The following FAM184A variants were observed in gnomAD, a reference collection of about 807,000 sequenced individuals.
The protein encoded by FAM184A is protein FAM184A.
Under a neutral mutation model 143.8 loss-of-function variants are expected in FAM184A, and 99 were observed. The ratio of observed to expected loss-of-function variants is 0.69; its 90% CI spans 0.58 to 0.81. The LOEUF is 0.81. Ranked by LOEUF, FAM184A falls within the 40% of genes least tolerant of loss-of-function variation. The probability of loss-of-function intolerance (pLI) is 0.00; values close to 1 mark genes in which losing one functional copy is unlikely to be tolerated. For synonymous variants in FAM184A, 427 were observed against 446.4 expected (o/e 0.96, Z 0.55); for missense variants, 1,217 against 1,310.5 (o/e 0.93, Z 1.10).
chr6:118,989,561 T>TGACACA (rs1266987354), intron 9 of FAM184A, among the ~76,000 whole-genome samples: 6 of 151,926 alleles, frequency 3.9e-5, no homozygotes, highest in Middle Eastern at 3.2e-3. Flanking sequence ...TAGACTAAGA[T>TGACACA]ATCCAATGAT....
In FAM184A at chr6:119,078,627, G is replaced by C; in HGVS notation, c.-328C>G. ...CGTCGAGGACAGCGCAGCTCCGCGG[G>C]TCCCGCTCGCAGCCCGCACCGAGGA... On this transcript the variant is annotated 5_prime_UTR_variant, in exon 1 of 18. Transcript: ENST00000338891. The surrounding 1 kb of genome is among the most constrained non-coding windows in gnomAD (Gnocchi z 5.5). 1 of 195,606 alleles carries C rather than the reference G, an allele frequency of 5.1e-6. No individual in the cohort carries two copies. Among genetic ancestry groups the C allele is most frequent in the East Asian group, 1.2e-4 (1 of 8,456 alleles). 12.1% of individuals were successfully genotyped at this position (195,606 alleles called of 1,614,324 possible).
chr6:119,104,946 A>T (rs776209608), intron 1 of FAM184A, among the ~76,000 whole-genome samples: 12 of 152,212 alleles, frequency 7.9e-5, no homozygotes, highest in Non-Finnish European at 1.8e-4. Flanking sequence ...CCCTAAGTCC[A>T]GTCTAATTAT....
In FAM184A at chr6:118,960,054, G is replaced by C; in HGVS notation, c.*49C>G. On this transcript the variant is annotated 3_prime_UTR_variant, in exon 18 of 18. Coordinates refer to ENST00000338891, the MANE Select transcript of FAM184A (RefSeq NM_024581.6). ...CTATTTACATAACAATCTGTATAAA[G>C]TCATGCTCTTAGTAACAGTCTATAC... is the stretch of plus-strand genomic sequence containing the variant. The C allele has an allele frequency of 6.9e-7, 1 of 1,442,992 alleles. No individual in the cohort carries two copies. The highest frequency in any genetic ancestry group is 9.6e-7 in the Non-Finnish European group (1 of 1,036,476). 89.4% of individuals were successfully genotyped at this position (1,442,992 alleles called of 1,614,324 possible). A position where few individuals can be genotyped will look rare whatever the true frequency, so the allele number is the denominator to read the frequency against.
chr6:118,975,944 C>G lies in FAM184A; in HGVS notation c.2556G>C (p.Glu852Asp). Residue 852 changes from glutamate to aspartate, a missense_variant, in exon 12 of 18, where the codon GAG becomes GAC. By Grantham distance (45) the Glu-to-Asp change is conservative. Coordinates refer to ENST00000338891, the MANE Select transcript of FAM184A (RefSeq NM_024581.6). ...GTCTTCTGCTGATGTCTATGCTTCT[C>G]TCTAATTCCATTTTAGCAGCTGCCA... Reference protein sequence around the residue: ...QELAAAKMELERSIDISRRQS... With the variant: ...QELAAAKMELDRSIDISRRQS... 6.2e-7 allele frequency: 1 copy of G among 1,613,114 alleles called. No individual in the cohort carries two copies. The highest frequency in any genetic ancestry group is 8.5e-7 in the Non-Finnish European group (1 of 1,179,794).
At chr6:119,143,876 A>G (rs1010148750) in intron 1 of FAM184A, among the ~76,000 whole-genome samples, 2 of 152,166 alleles carry the variant, frequency 1.3e-5, no homozygotes, top group African/African-American at 4.8e-5. Flanking sequence ...ACAATACTGA[A>G]CTGTATACTT....
chr6:119,081,788 C>T (rs564759815), upstream of FAM184A, among the ~76,000 whole-genome samples: 6 of 152,322 alleles, frequency 3.9e-5, no homozygotes, highest in East Asian at 9.7e-4. Context: ...TGCCAGTCGA[C>T]GGCCTGCTGG....
rs977029986 is a variant in FAM184A, at chr6:119,061,531, C to CTTTTT, written c.159+16605_159+16609dup. Among the ~76,000 whole-genome samples, 105 of 58,566 alleles carry CTTTTT rather than the reference C, an allele frequency of 1.8e-3. 10 individuals are homozygous for CTTTTT. The highest frequency in any genetic ancestry group is 6.4e-3 in the African/African-American group (87 of 13,610). The allele number at this position is 58,566 out of a possible 152,430, so 38.4% of individuals were successfully genotyped here. A position where few individuals can be genotyped will look rare whatever the true frequency, so the allele number is the denominator to read the frequency against. ...CTACCATGCCTGGCTAATTATTTTT[C>CTTTTT]TTTTTTTTTTTTTTTTTTTTTTTTT... On this transcript the variant is annotated intron_variant, in intron 1 of 17. Coordinates refer to ENST00000338891, the MANE Select transcript of FAM184A (RefSeq NM_024581.6).
chr6:119,070,858 C>A (rs1787660486), intron 1 of FAM184A, among the ~76,000 whole-genome samples: 1 of 151,912 alleles, frequency 6.6e-6, no homozygotes, highest in African/African-American at 2.4e-5. Flanking sequence ...ACATCCTTTC[C>A]ATTTCATGGC....
At chr6:119,128,107 C>T (rs1443435638) in intron 1 of FAM184A, among the ~76,000 whole-genome samples, 1 of 151,916 alleles carries the variant, frequency 6.6e-6, no homozygotes, top group Non-Finnish European at 1.5e-5. Context: ...CTACCATTAA[C>T]ATTAAAACAG....
At chr6:119,082,104 G>A (rs75970393), upstream of FAM184A, among the ~76,000 whole-genome samples, 5,288 of 152,230 alleles carry the variant, frequency 0.035, 199 homozygotes, top group African/African-American at 0.091. Context: ...TAGGTCCATG[G>A]GCATAGGCCT....
At chr6:119,122,021 G>T (rs981202239) in intron 1 of FAM184A, among the ~76,000 whole-genome samples, 1 of 152,032 alleles carries the variant, frequency 6.6e-6, no homozygotes, top group South Asian at 2.1e-4. Context: ...CTCCCACCTC[G>T]GCCTCCCAAA....
At chr6:119,114,189 T>C (rs1403887847) in intron 1 of FAM184A, among the ~76,000 whole-genome samples, 1 of 152,174 alleles carries the variant, frequency 6.6e-6, no homozygotes, top group Non-Finnish European at 1.5e-5. Context: ...ATTGCTATTA[T>C]CTCTCATTCA....
chr6:119,025,725 C>T (rs978636070), intron 1 of FAM184A: 4 of 438,044 alleles, frequency 9.1e-6, no homozygotes, highest in African/African-American at 8.2e-5. Flanking sequence ...TTGAGATGAG[C>T]CCACTTTCTT....
intron 1 of FAM184A, among the ~76,000 whole-genome samples, chr6:119,140,591 C>A (rs1419176311): frequency 2.0e-5 from 3 of 152,226 alleles, no homozygotes. Flanking sequence ...ATCTCATCCG[C>A]ACCTTTCAAC....
intron 1 of FAM184A, among the ~76,000 whole-genome samples, chr6:119,124,212 A>T (rs1483960079): frequency 6.6e-6 from 1 of 152,194 alleles, no homozygotes; most frequent in Non-Finnish European, 1.5e-5. Flanking sequence ...TGGTTTAATT[A>T]TCTGGCCTCA....
chr6:118,986,362 A>G (rs1363681266), intron 9 of FAM184A, among the ~76,000 whole-genome samples: 1 of 152,224 alleles, frequency 6.6e-6, no homozygotes, highest in Non-Finnish European at 1.5e-5. Context: ...CTAATTAGAA[A>G]GTTATCTATG....
At chr6:119,090,051 G>A (rs1788328637) in intron 1 of FAM184A, among the ~76,000 whole-genome samples, 1 of 152,164 alleles carries the variant, frequency 6.6e-6, no homozygotes, top group Non-Finnish European at 1.5e-5. Context: ...CCCTTTCTAT[G>A]AATATCACAA....
chr6:119,128,128 A>G (rs1164485057), intron 1 of FAM184A, among the ~76,000 whole-genome samples: 86 of 152,196 alleles, frequency 5.7e-4, no homozygotes, highest in African/African-American at 2.0e-3. Context: ...AGATCTTAAG[A>G]CTGACAAACA....
Position 119,007,667 on chromosome 6 carries a change from G to A in FAM184A, c.1654-1059C>T, listed in dbSNP as rs143709964. 3.1e-4 allele frequency among the ~76,000 whole-genome samples: 47 copies of A among 152,246 alleles called. No homozygotes were observed. The East Asian group carries it at 3.3e-3, about 11-fold the overall frequency. On this transcript the variant is annotated intron_variant, in intron 6 of 17. Coordinates refer to ENST00000338891, the MANE Select transcript of FAM184A (RefSeq NM_024581.6). ...AAAGAATAGTATTCTAGGGCTGGGC[G>A]CGGTGGCTTATGCCTGTAATCCCAG...
Sources: gnomAD v4.1 joint callset for allele counts (sites outside exome capture counted in the v4.1 genomes callset) on GRCh38, gnomAD v4.1.1 for gene constraint, Gnocchi (gnomAD v3.1) non-coding constraint, MANE v1.5 for transcripts, NCBI Gene and HGNC (gene_info 2026-07-23, HGNC 2026-07-21) for gene names.